The following ARHGAP12 variants were observed in gnomAD, a reference collection of about 807,000 sequenced individuals.
The protein encoded by ARHGAP12 is Rho GTPase activating protein 12, also known as rho GTPase-activating protein 12.
In ARHGAP12, 64 loss-of-function variants were observed where a neutral mutation model predicts 108.6. The ratio of observed to expected loss-of-function variants is 0.59; its 90% CI spans 0.48 to 0.73. The LOEUF (loss-of-function observed/expected upper bound fraction) is 0.73. Ranked by LOEUF, ARHGAP12 falls within the 30% of genes least tolerant of loss-of-function variation. The pLI, the probability that ARHGAP12 is intolerant of heterozygous loss-of-function variation, is 0.00. For synonymous variants in ARHGAP12, 312 were observed against 337.2 expected (o/e 0.93, Z 0.82); for missense variants, 940 against 1,005.9 (o/e 0.93, Z 0.89).
chr10:31,911,811 C>T (rs775517565), intron 1 of ARHGAP12, among the ~76,000 whole-genome samples: 13 of 152,142 alleles, frequency 8.5e-5, no homozygotes, highest in Non-Finnish European at 1.8e-4. Context: ...TATTAGAAAA[C>T]AATCAAACAA....
At chr10:31,917,250 A>G (rs1839598870) in intron 1 of ARHGAP12, among the ~76,000 whole-genome samples, 1 of 152,004 alleles carries the variant, frequency 6.6e-6, no homozygotes, top group African/African-American at 2.4e-5. Context: ...TCTACTAAAA[A>G]TATAAAAATT....
intron 9 of ARHGAP12, among the ~76,000 whole-genome samples, chr10:31,833,334 TA>T (rs1554776366): frequency 0.056 from 7,714 of 137,552 alleles, 619 homozygotes; most frequent in African/African-American, 0.18. Context: ...GAATTTGTAT[TA>T]AAAAAAAAAA....
rs1000128439 is a variant in ARHGAP12, at chr10:31,855,770, C to G, written c.949-1564G>C. Among the ~76,000 whole-genome samples, 5 of 152,258 alleles carry G rather than the reference C, an allele frequency of 3.3e-5. No homozygotes were observed. In the South Asian group the frequency reaches 6.2e-4, roughly 19 times the overall value. On this transcript the variant is annotated intron_variant, in intron 4 of 19. Transcript: ENST00000344936. The stretch of plus-strand genomic sequence containing the variant: ...ATCACTTTTTCAAAGATATGACTTT[C>G]TAGCTAACAAAATTCTCATCATAAT...
intron 1 of ARHGAP12, among the ~76,000 whole-genome samples, chr10:31,918,281 C>T (rs1482788672): frequency 6.7e-6 from 1 of 149,292 alleles, no homozygotes; most frequent in Non-Finnish European, 1.5e-5. Flanking sequence ...TAAGAACCTG[C>T]AAAGATGCTG....
chr10:31,854,256 G>A, intron 4 of ARHGAP12, 50 bp from the exon 5 acceptor site: 1 of 1,472,364 alleles, frequency 6.8e-7, no homozygotes, highest in Non-Finnish European at 9.1e-7. Context: ...ATATAAATAT[G>A]AATTGGTTGA....
intron 4 of ARHGAP12, among the ~76,000 whole-genome samples, chr10:31,855,113 A>AGGGG (rs1564392108): frequency 1.4e-5 from 1 of 69,280 alleles, no homozygotes. Flanking sequence ...GAGGGGAGGG[A>AGGGG]GAGGAAGGGA....
chr10:31,838,272 T>C (rs1421999297), intron 9 of ARHGAP12, among the ~76,000 whole-genome samples: 1 of 151,922 alleles, frequency 6.6e-6, no homozygotes, highest in Non-Finnish European at 1.5e-5. Flanking sequence ...AAGGGTGGTG[T>C]GGTAGGACAA....
chr10:31,818,814 A>C (rs2132163196), intron 12 of ARHGAP12, among the ~76,000 whole-genome samples: 1 of 152,222 alleles, frequency 6.6e-6, no homozygotes, highest in African/African-American at 2.4e-5. Context: ...GTGCACTGTG[A>C]TTTTCTAAGA....
intron 3 of ARHGAP12, among the ~76,000 whole-genome samples, chr10:31,899,400 A>G (rs567594598): frequency 6.5e-4 from 99 of 152,328 alleles, no homozygotes; most frequent in African/African-American, 2.1e-3. Context: ...TAAACCTTAC[A>G]TGGAAAAGCA....
At chr10:31,884,451 G>C (rs1049429553) in intron 3 of ARHGAP12, among the ~76,000 whole-genome samples, 9 of 152,004 alleles carry the variant, frequency 5.9e-5, no homozygotes, top group African/African-American at 1.9e-4. Flanking sequence ...TGGCCTTATA[G>C]ATATGTCGGA....
At chr10:31,809,810 ATTTATTATTTTC>A (rs1199062791) in intron 16 of ARHGAP12, 2 of 152,352 alleles carry the variant, frequency 1.3e-5, no homozygotes, top group Non-Finnish European at 2.9e-5. Flanking sequence ...ATTTGCTATA[ATTTATTATTTTC>A]TTTTATATGT....
chr10:31,916,534 C>G (rs1183463737), intron 1 of ARHGAP12, among the ~76,000 whole-genome samples: 4 of 152,152 alleles, frequency 2.6e-5, no homozygotes, highest in Non-Finnish European at 5.9e-5. Flanking sequence ...TCTTTCTCCC[C>G]CAGGACATCC....
chr10:31,838,977 C>T (rs1836143809), intron 9 of ARHGAP12, among the ~76,000 whole-genome samples: 1 of 151,786 alleles, frequency 6.6e-6, no homozygotes, highest in African/African-American at 2.4e-5. Flanking sequence ...GATGGTTCTA[C>T]TACACTCCAG....
At position 31,862,452 on chromosome 10, in the gene ARHGAP12, C is replaced by A. The variant is rs535685776; in HGVS notation, c.685-794G>T. ...ACTTCATACCCTTTGTATAAGGGCA[C>A]TGTAAATTGTATTAGGTTACACAGA... On this transcript the variant is annotated intron_variant, in intron 3 of 19. Coordinates refer to ENST00000344936, the MANE Select transcript of ARHGAP12 (RefSeq NM_018287.7). 2.0e-5 allele frequency among the ~76,000 whole-genome samples: 3 copies of A among 152,152 alleles called. No individual in the cohort carries two copies. In the South Asian group the frequency reaches 6.2e-4, roughly 32 times the overall value.
intron 3 of ARHGAP12, among the ~76,000 whole-genome samples, chr10:31,861,936 C>G (rs1837132731): frequency 6.6e-6 from 1 of 152,154 alleles, no homozygotes; most frequent in African/African-American, 2.4e-5. Context: ...AATTCAAGAT[C>G]TGGCACTAAC....
chr10:31,852,726 ATTCT>A (rs1322433421), intron 5 of ARHGAP12, 129 bp from the exon 6 acceptor site: 40 of 519,208 alleles, frequency 7.7e-5, no homozygotes, highest in South Asian at 2.0e-4. Context: ...GCAACAAAAA[ATTCT>A]TTTTTTTTTT....
chr10:31,839,764 C>T, intron 7 of ARHGAP12, 53 bp from the exon 8 acceptor site: 1 of 1,423,430 alleles, frequency 7.0e-7, no homozygotes, highest in Non-Finnish European at 9.6e-7. Context: ...AATTATATTT[C>T]TGCCTCTACT....
intron 6 of ARHGAP12, among the ~76,000 whole-genome samples, chr10:31,847,853 C>T (rs534690602): frequency 6.6e-6 from 1 of 152,246 alleles, no homozygotes; most frequent in East Asian, 1.9e-4. Flanking sequence ...GCACATCATG[C>T]AGAAGGATAG....
At chr10:31,839,901 A>G (rs1052942695) in intron 7 of ARHGAP12, among the ~76,000 whole-genome samples, 190 bp from the exon 8 acceptor site, 1 of 152,158 alleles carries the variant, frequency 6.6e-6, no homozygotes, top group African/African-American at 2.4e-5. Flanking sequence ...TTTATAAAAT[A>G]TGGTGCTTTT....
Sources: allele counts gnomAD v4.1 joint callset (sites outside exome capture counted in the v4.1 genomes callset), GRCh38; gene constraint gnomAD v4.1.1; transcripts MANE v1.5; gene names NCBI Gene and HGNC (gene_info 2026-07-23, HGNC 2026-07-21).